Variants in ACER3 observed in about 807,000 individuals in gnomAD.
ACER3 encodes alkaline ceramidase 3.
Under a neutral mutation model 48.9 loss-of-function variants are expected in ACER3, and 16 were observed. The ratio of observed to expected loss-of-function variants is 0.33; its 90% CI spans 0.22 to 0.50. The LOEUF is 0.50. Ranked by LOEUF, ACER3 falls within the 20% of genes least tolerant of loss-of-function variation. The probability of loss-of-function intolerance (pLI) is 0.98; values close to 1 mark genes in which losing one functional copy is unlikely to be tolerated. For missense variants in ACER3, 227 were observed against 326.0 expected (o/e 0.70, Z 2.34); for synonymous variants, 109 against 107.8 (o/e 1.01, Z -0.07).
intron 2 of ACER3, among the ~76,000 whole-genome samples, chr11:76,933,310 T>C (rs910458453): frequency 6.8e-6 from 1 of 147,734 alleles, no homozygotes; most frequent in Non-Finnish European, 1.5e-5. Context: ...TTATTGATCA[T>C]TCTTGGGTGT....
intron 1 of ACER3, among the ~76,000 whole-genome samples, chr11:76,924,978 A>AAAAAAC (rs1225557313): frequency 8.1e-6 from 1 of 123,566 alleles, no homozygotes; most frequent in African/African-American, 6.1e-5. Flanking sequence ...TCTGTCAAAA[A>AAAAAAC]AAAAAAAAAA....
chr11:76,919,683 A>G (rs1946636818), intron 1 of ACER3, among the ~76,000 whole-genome samples: 1 of 152,198 alleles, frequency 6.6e-6, no homozygotes, highest in African/African-American at 2.4e-5. Context: ...GTTAACCTCA[A>G]ATCCAATTAA....
intron 1 of ACER3, among the ~76,000 whole-genome samples, chr11:76,883,167 G>T (rs903357403): frequency 6.6e-6 from 1 of 152,124 alleles, no homozygotes; most frequent in Non-Finnish European, 1.5e-5. Context: ...GAATTTGTCT[G>T]CTTCTTACAC....
intron 1 of ACER3, among the ~76,000 whole-genome samples, chr11:76,898,773 G>A (rs1345715423): frequency 1.3e-5 from 2 of 150,404 alleles, no homozygotes; most frequent in South Asian, 2.1e-4. Flanking sequence ...GCGTAGTGGC[G>A]GGCGCCTGTA....
At chr11:76,912,706 T>TTC (rs1254046964) in intron 1 of ACER3, among the ~76,000 whole-genome samples, 4 of 116,988 alleles carry the variant, frequency 3.4e-5, no homozygotes, top group African/African-American at 1.0e-4. Flanking sequence ...ATTTTTTCTC[T>TTC]TGTGTTTATA....
intron 1 of ACER3, among the ~76,000 whole-genome samples, chr11:76,883,463 CAG>C (rs1245536015): frequency 1.5e-5 from 1 of 65,860 alleles, no homozygotes; most frequent in Admixed American, 2.0e-4. Flanking sequence ...TTTTTTGAGA[CAG>C]AGTCTCACTC....
Position 77,023,211 on chromosome 11 carries a change from G to T in ACER3, c.*2884G>T, listed in dbSNP as rs1555024889. The T allele has an allele frequency of 2.5e-6, 1 of 398,354 alleles. No individual in the cohort carries two copies. Among genetic ancestry groups the T allele is most frequent in the Non-Finnish European group, 4.4e-6 (1 of 225,988 alleles). 24.7% of individuals were successfully genotyped at this position (398,354 alleles called of 1,614,324 possible). A position where few individuals can be genotyped will look rare whatever the true frequency, so the allele number is the denominator to read the frequency against. On this transcript the variant is annotated 3_prime_UTR_variant, in exon 11 of 11. Transcript: ENST00000532485. ...TCTACAAATGAGAACCCAAATAGTAGTGTTTTGTTTGACAGAAGTAAATCA... is the reference window on the plus strand; with the variant it reads ...TCTACAAATGAGAACCCAAATAGTATTGTTTTGTTTGACAGAAGTAAATCA...
chr11:76,908,206 A>G (rs1308168451), intron 1 of ACER3, among the ~76,000 whole-genome samples: 1 of 152,360 alleles, frequency 6.6e-6, no homozygotes, highest in East Asian at 1.9e-4. Flanking sequence ...ACTGCACTCT[A>G]GCCTGGGCGA....
At position 76,963,938 on chromosome 11, in the gene ACER3, A is replaced by T. The variant is rs556358769; in HGVS notation, c.267+4907A>T. The stretch of plus-strand genomic sequence containing the variant: ...CATTTCCAACTGAGGTACCGGGTTC[A>T]TCTCACTGGGGAGTGCCGGACATTG... On this transcript the variant is annotated intron_variant, in intron 3 of 10. Coordinates refer to ENST00000532485, the MANE Select transcript of ACER3 (RefSeq NM_018367.7). Among the ~76,000 whole-genome samples the T allele has an allele frequency of 3.0e-4, 46 of 151,590 alleles. No homozygotes were observed. The South Asian group carries it at 9.5e-3, about 31-fold the overall frequency.
intron 7 of ACER3, among the ~76,000 whole-genome samples, chr11:77,000,481 A>G (rs970765652): frequency 6.6e-6 from 1 of 152,220 alleles, no homozygotes; most frequent in Admixed American, 6.5e-5. Flanking sequence ...TAAGAACTCT[A>G]TACCTACCTA....
At chr11:76,884,172 C>T (rs746478968) in intron 1 of ACER3, among the ~76,000 whole-genome samples, 3 of 152,096 alleles carry the variant, frequency 2.0e-5, no homozygotes, top group Non-Finnish European at 2.9e-5. Context: ...TTTTATTCGG[C>T]GGTAGACTCA....
At position 76,976,752 on chromosome 11, in the gene ACER3, T is replaced by G. The variant is rs117587025; in HGVS notation, c.320+411T>G. ...TTGTATAGTGATCGTGTCAACTTAA[T>G]CTCCTTTTTGTTTGAAGTTATCTTT... is the stretch of plus-strand genomic sequence containing the variant. On this transcript the variant is annotated intron_variant, in intron 4 of 10. Coordinates refer to ENST00000532485, the MANE Select transcript of ACER3 (RefSeq NM_018367.7). Among the ~76,000 whole-genome samples, 480 of 152,334 alleles carry G rather than the reference T, an allele frequency of 3.2e-3. 3 individuals carry two copies. The highest frequency in any genetic ancestry group is 5.7e-3 in the Non-Finnish European group (391 of 68,028).
At chr11:76,977,412 A>G (rs564313278) in intron 4 of ACER3, among the ~76,000 whole-genome samples, 1 of 152,342 alleles carries the variant, frequency 6.6e-6, no homozygotes, top group East Asian at 1.9e-4. Flanking sequence ...GAGGTTAGCT[A>G]TAGGTCTTCT....
At chr11:76,988,458 A>G (rs959291955) in intron 5 of ACER3, among the ~76,000 whole-genome samples, 2 of 152,216 alleles carry the variant, frequency 1.3e-5, no homozygotes, top group Admixed American at 1.3e-4. Flanking sequence ...TGGAAGGTGA[A>G]GCAAACACAT....
intron 1 of ACER3, among the ~76,000 whole-genome samples, chr11:76,903,455 C>A (rs543623367): frequency 1.0e-5 from 1 of 99,330 alleles, no homozygotes; most frequent in Middle Eastern, 4.8e-3. Context: ...ACCCCCCCAC[C>A]CGCCCCCGGC....
At chr11:76,886,792 T>C (rs926764075) in intron 1 of ACER3, among the ~76,000 whole-genome samples, 5 of 152,144 alleles carry the variant, frequency 3.3e-5, no homozygotes, top group Non-Finnish European at 5.9e-5. Flanking sequence ...GCGATTCTTT[T>C]GCCTCAGCCT....
At chr11:76,952,706 G>A (rs576736386) in intron 2 of ACER3, among the ~76,000 whole-genome samples, 1 of 125,748 alleles carries the variant, frequency 8.0e-6, no homozygotes, top group African/African-American at 2.9e-5. Flanking sequence ...TCATTCTATC[G>A]CCCAGGCTGG....
At chr11:76,943,076 A>G (rs1224772324) in intron 2 of ACER3, among the ~76,000 whole-genome samples, 1 of 151,816 alleles carries the variant, frequency 6.6e-6, no homozygotes, top group Non-Finnish European at 1.5e-5. Flanking sequence ...TGGTTAGTCT[A>G]GCTAGTGGTT....
chr11:76,860,945 C>A lies in ACER3; in HGVS notation c.-32C>A. The A allele has an allele frequency of 1.3e-6, 2 of 1,483,092 alleles. No individual in the cohort carries two copies. The highest frequency in any genetic ancestry group is 1.8e-6 in the Non-Finnish European group (2 of 1,103,794). 91.9% of individuals were successfully genotyped at this position (1,483,092 alleles called of 1,614,324 possible). ...CGCCAGCCTAACCCGGCACAGTGAG[C>A]GGAGCGCCTGGGCGGCGGCGGCGGC... On this transcript the variant is annotated 5_prime_UTR_variant, in exon 1 of 11. Coordinates refer to ENST00000532485, the MANE Select transcript of ACER3 (RefSeq NM_018367.7).
Sources: allele counts gnomAD v4.1 joint callset (sites outside exome capture counted in the v4.1 genomes callset), GRCh38; gene constraint gnomAD v4.1.1; transcripts MANE v1.5; gene names NCBI Gene and HGNC (gene_info 2026-07-23, HGNC 2026-07-21).